Variants in HS3ST4 observed in about 807,000 individuals in gnomAD.
HS3ST4 encodes heparan sulfate-glucosamine 3-sulfotransferase 4.
In HS3ST4, 17 loss-of-function variants were observed where a neutral mutation model predicts 29.2. That is an observed-to-expected ratio of 0.58 (90% CI 0.40 to 0.87). The LOEUF is 0.87. Among genes scored for constraint, HS3ST4 ranks in the 40% least tolerant of loss-of-function variants. The pLI is 0.00. For synonymous variants in HS3ST4, 314 were observed against 285.7 expected, an observed-to-expected ratio of 1.10 and a Z score of -1.00; for missense variants, 627 against 634.5, an observed-to-expected ratio of 0.99 and a Z score of 0.13.
At chr16:25,889,362 G>T (rs1967985381) in intron 1 of HS3ST4, among the ~76,000 whole-genome samples, 1 of 152,200 alleles carries the variant, frequency 6.6e-6, no homozygotes, top group Non-Finnish European at 1.5e-5. Context: ...TAGGTCAGAA[G>T]CAGGGACTTC....
At chr16:26,067,781 T>C (rs1020110421) in intron 1 of HS3ST4, among the ~76,000 whole-genome samples, 1 of 152,182 alleles carries the variant, frequency 6.6e-6, no homozygotes. Context: ...AATTGAATCA[T>C]GAGAGCGGGT....
chr16:26,008,184 C>A (rs1030710488), intron 1 of HS3ST4, among the ~76,000 whole-genome samples: 2 of 152,264 alleles, frequency 1.3e-5, no homozygotes, highest in African/African-American at 2.4e-5. Context: ...CAAAGCAAGA[C>A]GCTTTTATAC....
chr16:26,084,019 C>A (rs1367548023), intron 1 of HS3ST4, among the ~76,000 whole-genome samples: 1 of 152,166 alleles, frequency 6.6e-6, no homozygotes, highest in East Asian at 1.9e-4. Flanking sequence ...TGCTGAGGAA[C>A]AGAAAGAGGG....
chr16:25,995,924 G>A (rs929211613), intron 1 of HS3ST4, among the ~76,000 whole-genome samples: 3 of 151,578 alleles, frequency 2.0e-5, no homozygotes, highest in Admixed American at 1.3e-4. Context: ...ACTCTACCAG[G>A]GCTGTGTATT....
At chr16:26,128,253 CATACAGTCT>C (rs1899371949) in intron 1 of HS3ST4, among the ~76,000 whole-genome samples, 1 of 152,294 alleles carries the variant, frequency 6.6e-6, no homozygotes, top group Admixed American at 6.5e-5. Flanking sequence ...CCTCCAAAAA[CATACAGTCT>C]ATTGAAGGGC....
rs919797722 is a variant in HS3ST4 at position 25,748,480 on chromosome 16, C to T, written c.734+55329C>T. On this transcript the variant is annotated intron_variant, in intron 1 of 1. Transcript: ENST00000331351. ...CACACCTGCAGCTCAGAGAGCATCA[C>T]ATATTATGCAAACATTAAGAATTCC... is the stretch of plus-strand genomic sequence containing the variant. 5.9e-4 allele frequency among the ~76,000 whole-genome samples: 90 copies of T among 152,190 alleles called. 2 individuals are homozygous for T. The highest frequency in any genetic ancestry group is 1.5e-5 in the Non-Finnish European group (1 of 68,038).
chr16:25,728,354 G>A (rs1161391791), intron 1 of HS3ST4, among the ~76,000 whole-genome samples: 1 of 152,144 alleles, frequency 6.6e-6, no homozygotes, highest in Non-Finnish European at 1.5e-5. Context: ...TCTGACTCAG[G>A]CTCAAATATC....
At chr16:25,754,586 G>A (rs1966743968) in intron 1 of HS3ST4, among the ~76,000 whole-genome samples, 1 of 152,074 alleles carries the variant, frequency 6.6e-6, no homozygotes, top group Non-Finnish European at 1.5e-5. Flanking sequence ...CTGCATTGCT[G>A]GGGAAGTCTC....
At position 25,851,714 on chromosome 16, in the gene HS3ST4, G is replaced by C. The variant is rs572012843; in HGVS notation, c.734+158563G>C. ...AGTCAGGTGGGTGAACTGTGGGGCA[G>C]GCGGGGGCATGTCAGGAACTAATAG... On this transcript the variant is annotated intron_variant, in intron 1 of 1. Transcript: ENST00000331351. 1.3e-3 allele frequency among the ~76,000 whole-genome samples: 194 copies of C among 152,266 alleles called. 1 individual carries two copies. Among genetic ancestry groups the C allele is most frequent in the African/African-American group, 4.4e-3 (184 of 41,560 alleles).
chr16:25,753,381 A>G (rs1966733867), intron 1 of HS3ST4, among the ~76,000 whole-genome samples: 1 of 152,208 alleles, frequency 6.6e-6, no homozygotes, highest in South Asian at 2.1e-4. Flanking sequence ...TTTCTTTCAT[A>G]GTCCAGGTCT....
intron 1 of HS3ST4, among the ~76,000 whole-genome samples, chr16:25,724,703 C>T (rs375097056): frequency 2.0e-5 from 3 of 152,076 alleles, no homozygotes; most frequent in African/African-American, 7.2e-5. Flanking sequence ...CGTCTAACAG[C>T]GAAGTCATCA....
intron 1 of HS3ST4, among the ~76,000 whole-genome samples, chr16:26,090,783 C>T (rs765496728): frequency 3.3e-5 from 5 of 152,146 alleles, no homozygotes; most frequent in Non-Finnish European, 5.9e-5. Flanking sequence ...AGAGATGGCA[C>T]GATGCCAGAG....
chr16:25,851,860 G>T (rs931074017), intron 1 of HS3ST4, among the ~76,000 whole-genome samples: 1 of 54,828 alleles, frequency 1.8e-5, no homozygotes, highest in African/African-American at 7.9e-5. Context: ...CATGAGAAAC[G>T]CCTAACGACA....
At chr16:25,862,307 C>G (rs987448943) in intron 1 of HS3ST4, among the ~76,000 whole-genome samples, 1 of 152,140 alleles carries the variant, frequency 6.6e-6, no homozygotes, top group African/African-American at 2.4e-5. Context: ...ATTCTCCAGC[C>G]TCAGCCTCCT....
rs1028117291 is a variant in HS3ST4 at position 25,920,606 on chromosome 16, C to G, written c.735-215006C>G. ...CTTCCCCTCACTGCCGCCCCCACCC[C>G]TCTTTTTTTTTTTTGAAACAGGATC... On this transcript the variant is annotated intron_variant, in intron 1 of 1. Coordinates refer to ENST00000331351, the MANE Select transcript of HS3ST4 (RefSeq NM_006040.3). Among the ~76,000 whole-genome samples, 5 of 147,566 alleles carry G rather than the reference C, an allele frequency of 3.4e-5. 1 individual carries two copies. The Admixed American group carries it at 3.4e-4, about 10-fold the overall frequency.
rs1394075488 is a variant in HS3ST4, at chr16:25,828,298, TTCCCTCTCTC to T, written c.734+135150_734+135159del. ...TTTCTTTCTTTCTTTCTTTCTTTCTTTCCCTCTCTCTCTCTCTCTCTCTCTCTCTCTCTCT... is the reference window on the plus strand; with the variant it reads ...TTTCTTTCTTTCTTTCTTTCTTTCTTTCTCTCTCTCTCTCTCTCTCTCTCT... On this transcript the variant is annotated intron_variant, in intron 1 of 1. Coordinates refer to ENST00000331351, the MANE Select transcript of HS3ST4 (RefSeq NM_006040.3). Among the ~76,000 whole-genome samples the T allele has an allele frequency of 3.9e-4, 11 of 27,922 alleles. No individual in the cohort carries two copies. The South Asian group carries it at 5.8e-3, about 15-fold the overall frequency. 18.3% of individuals were successfully genotyped at this position (27,922 alleles called of 152,430 possible). A position where few individuals can be genotyped will look rare whatever the true frequency, so the allele number is the denominator to read the frequency against.
At chr16:25,927,340 A>T (rs1968414996) in intron 1 of HS3ST4, among the ~76,000 whole-genome samples, 1 of 152,228 alleles carries the variant, frequency 6.6e-6, no homozygotes, top group Non-Finnish European at 1.5e-5. Context: ...AGAAAGAAGA[A>T]GATGTAGGAT....
At chr16:25,940,701 C>T (rs1301848702) in intron 1 of HS3ST4, among the ~76,000 whole-genome samples, 3 of 152,172 alleles carry the variant, frequency 2.0e-5, no homozygotes, top group Non-Finnish European at 4.4e-5. Context: ...GGAGAGTACT[C>T]CAGTTCTCTT....
chr16:25,841,049 C>A (rs904848612), intron 1 of HS3ST4, among the ~76,000 whole-genome samples: 1 of 151,106 alleles, frequency 6.6e-6, no homozygotes, highest in Admixed American at 6.6e-5. Context: ...CTGTCACCTA[C>A]GCTGGAGTGC....
Sources: allele counts gnomAD v4.1 joint callset (sites outside exome capture counted in the v4.1 genomes callset), GRCh38; gene constraint gnomAD v4.1.1; transcripts MANE v1.5; gene names NCBI Gene and HGNC (gene_info 2026-07-23, HGNC 2026-07-21).